Variants in PHF23 observed in about 807,000 individuals in gnomAD.
The protein encoded by PHF23 is PDH-containing protein JUNE-1.
In PHF23, 3 loss-of-function variants were observed where a neutral mutation model predicts 36.0. The observed-to-expected ratio is 0.08, with a 90% CI of 0.04 to 0.22. PHF23 has a LOEUF of 0.22. PHF23 is among the 10% of genes least tolerant of loss of function. The pLI is 1.00. For missense variants in PHF23, 475 were observed against 513.6 expected (o/e 0.92, Z 0.73); for synonymous variants, 242 against 192.5 (o/e 1.26, Z -2.13).
At chr17:7,238,332 C>T (rs1440263784) in intron 1 of PHF23, 1 of 144,474 alleles carries the variant, frequency 6.9e-6, no homozygotes. Flanking sequence ...TTCGCCGTCC[C>T]TCCGCCCCCA....
intron 1 of PHF23, 158 bp from the exon 2 acceptor site, chr17:7,237,818 TTC>T: frequency 3.7e-6 from 3 of 811,538 alleles, no homozygotes; most frequent in Non-Finnish European, 5.8e-6. Flanking sequence ...CGGCTCCCCC[TTC>T]CGCCCCGCGA....
chr17:7,237,644 A>G lies in PHF23; in HGVS notation c.51T>C (p.Leu17=). 3 of 1,613,976 alleles carry G rather than the reference A, an allele frequency of 1.9e-6. No homozygotes were observed. Among genetic ancestry groups the G allele is most frequent in the Non-Finnish European group, 2.5e-6 (3 of 1,179,946 alleles). Residue 17 remains leucine, a synonymous_variant, in exon 2 of 5, where the codon CTT becomes CTC. Transcript: ENST00000320316. ...CAAACCTCACCTGAGTCTCTGGCTT[A>G]AGGGTCGGAGGTGGATCTGGAAAAG... The part of the protein sequence containing the change: ...EPSPEDPPPT[L]KPETQPPEKR...
chr17:7,235,564 C>A lies in PHF23; in HGVS notation c.*62G>T. On this transcript the variant is annotated 3_prime_UTR_variant, in exon 5 of 5. Coordinates refer to ENST00000320316, the MANE Select transcript of PHF23 (RefSeq NM_024297.3). ...CAAGCTCCAGGGGATAGGCTGAGGA[C>A]CCTGAGGCTCAGTTCCCAAATCATG... 1.9e-6 allele frequency: 3 copies of A among 1,549,706 alleles called. No homozygotes were observed. The highest frequency in any genetic ancestry group is 2.6e-6 in the Non-Finnish European group (3 of 1,133,756).
In PHF23 at chr17:7,236,579, G is replaced by C; in HGVS notation, c.348C>G (p.Phe116Leu). The C allele has an allele frequency of 6.2e-7, 1 of 1,614,216 alleles. No individual in the cohort carries two copies. The highest frequency in any genetic ancestry group is 2.2e-5 in the East Asian group (1 of 44,890). ...CACTGTCGGGGGCCTGCAGACGAGA[G>C]AAAGTGGACCTTGGGGGTCCTGGCT... ...PTQPGPPRST[F>L]SRLQAPDSAT... Residue 116 changes from phenylalanine to leucine, a missense_variant, in exon 4 of 5, where the codon TTC (phenylalanine) becomes TTG (leucine). Transcript: ENST00000320316. The surrounding 1 kb of genome is among the most constrained non-coding windows in gnomAD (Gnocchi z 5.1).
upstream of PHF23, chr17:7,240,751 T>A (rs1353936700): frequency 7.8e-6 from 6 of 772,466 alleles, no homozygotes; most frequent in Admixed American, 1.2e-4. Context: ...CGGTCCTGAA[T>A]AAGGGAGGTG....
At position 7,237,776 on chromosome 17, in the gene PHF23, C is replaced by A. The variant is rs369332496; in HGVS notation, c.35-116G>T. 2.5e-5 allele frequency: 30 copies of A among 1,204,408 alleles called. 1 individual carries two copies. The African/African-American group carries it at 4.2e-4, about 17-fold the overall frequency. The allele number at this position is 1,204,408 out of a possible 1,614,324, so 74.6% of individuals were successfully genotyped here. On this transcript the variant is annotated intron_variant, in intron 1 of 4. Coordinates refer to ENST00000320316, the MANE Select transcript of PHF23 (RefSeq NM_024297.3). ...TGCTCTCCCAGGTCCCTCTGCCAGG[C>A]CAGCAGGCCCCCAGCTGTGTTGGAT...
intron 1 of PHF23, chr17:7,238,156 C>G (rs1180565710): frequency 5.9e-6 from 1 of 169,656 alleles, no homozygotes; most frequent in Non-Finnish European, 1.2e-5. Flanking sequence ...CCCTCCGGCC[C>G]CTTCTACTCG....
intron 1 of PHF23, chr17:7,238,665 C>T (rs2071732164): frequency 9.8e-7 from 1 of 1,021,324 alleles, no homozygotes; most frequent in Non-Finnish European, 1.2e-6. Context: ...CCACCACCCC[C>T]TACAACTACC....
In PHF23 at chr17:7,236,602, G is replaced by T; in HGVS notation, c.325C>A (p.Pro109Thr). 1 of 1,614,176 alleles carries T rather than the reference G, an allele frequency of 6.2e-7. No homozygotes were observed. The highest frequency in any genetic ancestry group is 8.5e-7 in the Non-Finnish European group (1 of 1,180,024). The part of the protein sequence containing the change: ...RRAAQAGPTQ[P>T]GPPRSTFSRL... ...GAGAAAGTGGACCTTGGGGGTCCTGGCTGGGTGGGACCTGCTTGAGCTGCC... is the reference window on the plus strand; with the variant it reads ...GAGAAAGTGGACCTTGGGGGTCCTGTCTGGGTGGGACCTGCTTGAGCTGCC... The change falls in exon 4 of 5, where the codon CCA becomes ACA. Residue 109 changes from proline (P) to threonine (T), a missense_variant. By Grantham distance (38) the Pro-to-Thr change is conservative (BLOSUM62 -1). Transcript: ENST00000320316. This position sits in a 1 kb window ranked among gnomAD's most constrained non-coding sequence, Gnocchi z 5.1.
upstream of PHF23, chr17:7,239,556 TC>T (rs1398470209): frequency 2.6e-5 from 6 of 228,572 alleles, no homozygotes; most frequent in South Asian, 5.3e-5. Context: ...CTCTCCCTCC[TC>T]CCCCCGCCGG....
Position 7,236,284 on chromosome 17 carries a change from T to A in PHF23, c.643A>T (p.Ile215Phe). Reference protein sequence around the residue: ...TPGDGEKRSRIKKSKKRKLKK... With the variant: ...TPGDGEKRSRFKKSKKRKLKK... The stretch of plus-strand genomic sequence containing the variant: ...AACTTCCGCTTCTTGCTCTTCTTGA[T>A]TCGAGATCTCTTTTCCCCATCCCCA... The change falls in exon 4 of 5, where the codon ATC becomes TTC. Residue 215 changes from isoleucine (I) to phenylalanine (F), a missense_variant. Physicochemically the swap from Ile to Phe is conservative, Grantham distance 21. Transcript: ENST00000320316. This position sits in a 1 kb window ranked among gnomAD's most constrained non-coding sequence, Gnocchi z 5.1. The A allele has an allele frequency of 6.2e-7, 1 of 1,613,822 alleles. No individual in the cohort carries two copies. Among genetic ancestry groups the A allele is most frequent in the Non-Finnish European group, 8.5e-7 (1 of 1,179,846 alleles).
intron 1 of PHF23, chr17:7,238,564 A>T: frequency 1.1e-6 from 1 of 914,926 alleles, no homozygotes; most frequent in Non-Finnish European, 1.2e-6. Flanking sequence ...TGCCCCCCTC[A>T]CCCTCAGCAA....
upstream of PHF23, chr17:7,240,729 A>G: frequency 2.9e-6 from 2 of 698,318 alleles, no homozygotes; most frequent in Non-Finnish European, 5.2e-6. Flanking sequence ...AGCCACAAAC[A>G]TTAAGAAGTG....
intron 1 of PHF23, 157 bp from the exon 2 acceptor site, chr17:7,237,817 C>T (rs991516315): frequency 1.2e-6 from 1 of 828,596 alleles, no homozygotes; most frequent in South Asian, 1.7e-5. Flanking sequence ...CCGGCTCCCC[C>T]TTCCGCCCCG....
chr17:7,240,668 T>TTACAA, upstream of PHF23: 1 of 555,888 alleles, frequency 1.8e-6, no homozygotes, highest in Non-Finnish European at 3.2e-6. Flanking sequence ...GAAAGGAGAG[T>TTACAA]TACAAGATGC....
In PHF23 at chr17:7,236,123, A is replaced by T; in HGVS notation, c.804T>A (p.Gly268=). 6.2e-7 allele frequency: 1 copy of T among 1,609,822 alleles called. No homozygotes were observed. The highest frequency in any genetic ancestry group is 8.5e-7 in the Non-Finnish European group (1 of 1,178,118). Reference sequence around the variant, plus strand: ...TTGGCAGCACAGGGACTGGGGCTTCACCCCCTACCACTGTTGCCATCTCTT... The same window carrying T: ...TTGGCAGCACAGGGACTGGGGCTTCTCCCCCTACCACTGTTGCCATCTCTT... ...EEEEMATVVG[G]EAPVPVLPTP... Residue 268 remains glycine (G), a synonymous_variant, in exon 4 of 5, where the codon GGT becomes GGA. Coordinates refer to ENST00000320316, the MANE Select transcript of PHF23 (RefSeq NM_024297.3). The surrounding 1 kb of genome is among the most constrained non-coding windows in gnomAD (Gnocchi z 5.1).
chr17:7,235,759 C>T lies in PHF23; in HGVS notation c.1079G>A (p.Gly360Glu). The T allele has an allele frequency of 6.2e-7, 1 of 1,614,110 alleles. No individual in the cohort carries two copies. Among genetic ancestry groups the T allele is most frequent in the African/African-American group, 1.3e-5 (1 of 75,044 alleles). ...AGCACAGGAGAGGTGGATCCACGTCCCACACAGGCTGCACTCAATCATGGG... is the reference window on the plus strand; with the variant it reads ...AGCACAGGAGAGGTGGATCCACGTCTCACACAGGCTGCACTCAATCATGGG... ...GRPMIECSLCGTWIHLSCAKI... is the reference protein window; with the variant it reads ...GRPMIECSLCETWIHLSCAKI... Residue 360 changes from glycine (G) to glutamate (E), a missense_variant, in exon 5 of 5, where the codon GGG (glycine) becomes GAG (glutamate). By Grantham distance (98) the Gly-to-Glu change is moderately conservative. Coordinates refer to ENST00000320316, the MANE Select transcript of PHF23 (RefSeq NM_024297.3).
intron 3 of PHF23, among the ~76,000 whole-genome samples, chr17:7,237,017 G>C (rs2071683605): frequency 6.6e-6 from 1 of 152,138 alleles, no homozygotes; most frequent in Non-Finnish European, 1.5e-5. Context: ...GTGGAACACT[G>C]TATCACCCAG....
intron 1 of PHF23, 167 bp from the exon 2 acceptor site, chr17:7,237,827 G>T: frequency 8.0e-6 from 6 of 747,316 alleles, no homozygotes; most frequent in Non-Finnish European, 1.3e-5. Flanking sequence ...CTTCCGCCCC[G>T]CGAGGGGCGG....
Sources: allele counts gnomAD v4.1 joint callset (sites outside exome capture counted in the v4.1 genomes callset), GRCh38; gene constraint gnomAD v4.1.1; non-coding constraint Gnocchi (gnomAD v3.1); transcripts MANE v1.5; gene names NCBI Gene and HGNC (gene_info 2026-07-23, HGNC 2026-07-21).